DLGAP1: variants seen among roughly 807,000 people sequenced by gnomAD.
The protein encoded by DLGAP1 is DLG associated protein 1.
Under a neutral mutation model 90.8 loss-of-function variants are expected in DLGAP1, and 11 were observed. The ratio of observed to expected loss-of-function variants is 0.12; its 90% confidence interval spans 0.08 to 0.20. The LOEUF (loss-of-function observed/expected upper bound fraction) is 0.20, where lower values mean the gene tolerates loss of function less well. DLGAP1 is among the 10% of genes least tolerant of loss of function. The pLI, the probability that DLGAP1 is intolerant of heterozygous loss-of-function variation, is 1.00. For synonymous variants in DLGAP1, 558 were observed against 540.7 expected (o/e 1.03, Z -0.44); for missense variants, 1,050 against 1,333.8 (o/e 0.79, Z 3.31).
At chr18:4,315,547 C>A (rs1267517402) in intron 1 of DLGAP1, among the ~76,000 whole-genome samples, 1 of 152,146 alleles carries the variant, frequency 6.6e-6, no homozygotes, top group Non-Finnish European at 1.5e-5. Flanking sequence ...TAAAAAGTTA[C>A]AATCTTTTAA....
intron 5 of DLGAP1, among the ~76,000 whole-genome samples, chr18:3,803,192 AC>A (rs891910230): frequency 6.6e-6 from 1 of 151,374 alleles, no homozygotes; most frequent in African/African-American, 2.4e-5. Context: ...GGACGACTGG[AC>A]CCCCCCTAGC....
At chr18:3,501,386 G>T (rs1030520795) in intron 12 of DLGAP1, among the ~76,000 whole-genome samples, 2 of 152,182 alleles carry the variant, frequency 1.3e-5, no homozygotes, top group African/African-American at 4.8e-5. Context: ...GGGTACAAAT[G>T]TTTGGCTTCC....
At chr18:3,829,801 A>G (rs1376384650) in intron 4 of DLGAP1, among the ~76,000 whole-genome samples, 2 of 152,174 alleles carry the variant, frequency 1.3e-5, no homozygotes, top group African/African-American at 2.4e-5. Flanking sequence ...GTATACAATT[A>G]CTTTACTGCA....
intron 2 of DLGAP1, among the ~76,000 whole-genome samples, chr18:4,017,857 T>G (rs2074548079): frequency 1.4e-5 from 2 of 146,050 alleles, no homozygotes; most frequent in Admixed American, 1.4e-4. Context: ...GTGCTATACT[T>G]TTTTTTTTTT....
intron 1 of DLGAP1, among the ~76,000 whole-genome samples, chr18:4,339,005 A>G (rs1388061186): frequency 6.6e-6 from 1 of 152,240 alleles, no homozygotes; most frequent in African/African-American, 2.4e-5. Context: ...TGGGGACAAA[A>G]TAGTCATTTA....
chr18:3,636,670 C>A (rs2146257215), intron 7 of DLGAP1, among the ~76,000 whole-genome samples: 1 of 151,334 alleles, frequency 6.6e-6, no homozygotes, highest in South Asian at 2.1e-4. Flanking sequence ...CCCGCCTCGG[C>A]CTCCCAAAGT....
At chr18:3,574,933 G>T in intron 8 of DLGAP1, among the ~76,000 whole-genome samples, 1 of 151,366 alleles carries the variant, frequency 6.6e-6, no homozygotes. Flanking sequence ...TCCTGCCTCA[G>T]CCTCCCGAGT....
intron 9 of DLGAP1, among the ~76,000 whole-genome samples, chr18:3,562,557 T>A (rs2054194042): frequency 6.8e-6 from 1 of 146,928 alleles, no homozygotes; most frequent in Non-Finnish European, 1.5e-5. Context: ...TTTTTTTTTT[T>A]TTTTTTAGAT....
intron 7 of DLGAP1, among the ~76,000 whole-genome samples, chr18:3,652,339 T>C (rs2059343059): frequency 6.6e-6 from 1 of 152,086 alleles, no homozygotes; most frequent in Non-Finnish European, 1.5e-5. Context: ...AAAAAGTTTT[T>C]ATTTTAGAGA....
At chr18:3,763,513 T>A (rs143944688) in intron 5 of DLGAP1, among the ~76,000 whole-genome samples, 1,635 of 152,322 alleles carry the variant, frequency 0.011, 38 homozygotes, top group African/African-American at 0.037. Context: ...TAGAGAACCC[T>A]GACTAACACA....
chr18:4,325,260 T>G (rs1190543697), intron 1 of DLGAP1, among the ~76,000 whole-genome samples: 1 of 152,082 alleles, frequency 6.6e-6, no homozygotes, highest in East Asian at 1.9e-4. Context: ...CCATTTATAA[T>G]TGTCACAAAA....
At chr18:4,044,286 C>G (rs1024917417) in intron 2 of DLGAP1, among the ~76,000 whole-genome samples, 4 of 152,174 alleles carry the variant, frequency 2.6e-5, no homozygotes, top group African/African-American at 9.7e-5. Context: ...CATCTAAATG[C>G]TGTTTATGGC....
intron 6 of DLGAP1, among the ~76,000 whole-genome samples, chr18:3,730,847 C>T (rs989220342): frequency 6.6e-6 from 1 of 152,022 alleles, no homozygotes; most frequent in Non-Finnish European, 1.5e-5. Context: ...ATGTGAAATC[C>T]CTGCATATTT....
intron 1 of DLGAP1, among the ~76,000 whole-genome samples, chr18:4,255,818 CAT>C (rs544432273): frequency 1.4e-3 from 207 of 152,088 alleles, no homozygotes; most frequent in African/African-American, 4.8e-3. Flanking sequence ...AAAGAGAAAA[CAT>C]ATAAAAAAGC....
rs529151064 is a variant in DLGAP1 at position 3,683,838 on chromosome 18, T to C, written c.1591+45297A>G. On this transcript the variant is annotated intron_variant, in intron 7 of 12. Coordinates refer to ENST00000315677, the MANE Select transcript of DLGAP1 (RefSeq NM_004746.4). ...GAGGGAGTGTGGTATTGCGATCTCT[T>C]ACTAGAGGTATGTTTTTTGGGAAAT... Among the ~76,000 whole-genome samples, 444 of 152,306 alleles carry C rather than the reference T, an allele frequency of 2.9e-3. 2 individuals carry two copies. Among genetic ancestry groups the C allele is most frequent in the Admixed American group, 6.0e-3 (91 of 15,294 alleles).
At chr18:3,651,087 A>G (rs541329066) in intron 7 of DLGAP1, among the ~76,000 whole-genome samples, 6 of 150,998 alleles carry the variant, frequency 4.0e-5, no homozygotes, top group South Asian at 2.1e-4. Context: ...TTGGCTGGGC[A>G]CGGTGGCTCA....
intron 1 of DLGAP1, among the ~76,000 whole-genome samples, chr18:4,184,511 T>G (rs1000675255): frequency 6.6e-6 from 1 of 152,036 alleles, no homozygotes; most frequent in African/African-American, 2.4e-5. Flanking sequence ...GGTCATTATT[T>G]TAAATCTATT....
At chr18:3,982,685 G>T (rs2073759416) in intron 3 of DLGAP1, among the ~76,000 whole-genome samples, 1 of 152,100 alleles carries the variant, frequency 6.6e-6, no homozygotes, top group Non-Finnish European at 1.5e-5. Flanking sequence ...TCATCATTAA[G>T]TCTTTTCTCT....
intron 3 of DLGAP1, chr18:3,993,319 A>AT (rs377103215): frequency 1.3e-5 from 2 of 152,276 alleles, no homozygotes; most frequent in African/African-American, 4.8e-5. Context: ...AACAGAATAA[A>AT]TTTTTATTCA....
Sources: gnomAD v4.1 joint callset for allele counts (sites outside exome capture counted in the v4.1 genomes callset) on GRCh38, gnomAD v4.1.1 for gene constraint, MANE v1.5 for transcripts, NCBI Gene and HGNC (gene_info 2026-07-23, HGNC 2026-07-21) for gene names.